ARHGEF11: variants seen among roughly 807,000 people sequenced by gnomAD.
ARHGEF11 encodes the protein Rho guanine nucleotide exchange factor 11, also known as Rho guanine exchange factor (GEF) 11.
Under a neutral mutation model 193.7 loss-of-function variants are expected in ARHGEF11, and 55 were observed. That is an observed-to-expected ratio of 0.28 (90% CI 0.23 to 0.36). ARHGEF11 has a LOEUF of 0.36. Ranked by LOEUF, ARHGEF11 falls within the 10% of genes least tolerant of loss-of-function variation. The pLI is 1.00. For missense variants in ARHGEF11, 1,723 were observed against 2,005.6 expected (o/e 0.86, Z 2.69); for synonymous variants, 693 against 768.0 (o/e 0.90, Z 1.62).
Position 156,991,698 on chromosome 1 carries a change from T to C in ARHGEF11, c.33-5525A>G, listed in dbSNP as rs532265827. On this transcript the variant is annotated intron_variant, in intron 1 of 40. Coordinates refer to ENST00000368194, the MANE Select transcript of ARHGEF11 (RefSeq NM_198236.3). The stretch of plus-strand genomic sequence containing the variant: ...TTGTACTGAATTTTAGGGTTTTCTT[T>C]TTTTCAAGCTTATTTTTTTTTTTTT... Among the ~76,000 whole-genome samples the C allele has an allele frequency of 5.3e-5, 8 of 150,194 alleles. No individual in the cohort carries two copies. The South Asian group carries it at 1.7e-3, about 32-fold the overall frequency.
intron 1 of ARHGEF11, among the ~76,000 whole-genome samples, chr1:157,026,809 T>C (rs1451019312): frequency 6.6e-6 from 1 of 152,206 alleles, no homozygotes; most frequent in African/African-American, 2.4e-5. Flanking sequence ...AAATGCTAAC[T>C]GTTATTATGG....
chr1:156,980,614 T>G, intron 3 of ARHGEF11, 128 bp from the exon 4 acceptor site: 3 of 1,039,426 alleles, frequency 2.9e-6, no homozygotes, highest in Non-Finnish European at 2.9e-6. Context: ...TCTCAAATTC[T>G]GGGTGTACTT....
chr1:157,031,588 A>T (rs182709748), intron 1 of ARHGEF11, among the ~76,000 whole-genome samples: 90 of 152,306 alleles, frequency 5.9e-4, no homozygotes, highest in African/African-American at 2.0e-3. Flanking sequence ...GGAGATGATG[A>T]GAAACGGCCC....
chr1:156,968,066 G>T lies in ARHGEF11; in HGVS notation c.884C>A (p.Ser295Tyr). The change falls in exon 11 of 41, where the codon TCC becomes TAC. Residue 295 changes from serine (S) to tyrosine (Y), a missense_variant. Ser to Tyr is a moderately radical substitution (Grantham distance 144). Transcript: ENST00000368194. ...SDPGLDSPRT[S>Y]PVIMARVAQH... ...GGCCACCCTGGCCATGATCACAGGG[G>T]AGGTTCGAGGACTGTCTAGCCCAGG... The T allele has an allele frequency of 6.2e-7, 1 of 1,614,234 alleles. No individual in the cohort carries two copies. The highest frequency in any genetic ancestry group is 8.5e-7 in the Non-Finnish European group (1 of 1,180,026).
chr1:156,983,831 C>A (rs1358202317), intron 3 of ARHGEF11, among the ~76,000 whole-genome samples: 1 of 152,234 alleles, frequency 6.6e-6, no homozygotes, highest in Non-Finnish European at 1.5e-5. Flanking sequence ...AACACCATTT[C>A]CCCTGACATC....
intron 1 of ARHGEF11, among the ~76,000 whole-genome samples, chr1:157,000,589 A>G (rs1667093082): frequency 6.6e-6 from 1 of 152,232 alleles, no homozygotes; most frequent in Non-Finnish European, 1.5e-5. Flanking sequence ...TGGATTTTAA[A>G]TTAGCTCCCT....
At chr1:156,986,871 T>C (rs1199343787) in intron 1 of ARHGEF11, among the ~76,000 whole-genome samples, 3 of 152,248 alleles carry the variant, frequency 2.0e-5, no homozygotes, top group African/African-American at 7.2e-5. Flanking sequence ...GAAAATTCCA[T>C]TTATCCTTTG....
intron 10 of ARHGEF11, 34 bp downstream of exon 10, chr1:156,969,248 C>T (rs759238865): frequency 2.1e-5 from 32 of 1,557,228 alleles, no homozygotes; most frequent in Middle Eastern, 2.2e-4. Context: ...CCCGAATGCA[C>T]GTTCTGAATG....
At chr1:157,040,996 A>G (rs1417766643) in intron 1 of ARHGEF11, among the ~76,000 whole-genome samples, 2 of 152,210 alleles carry the variant, frequency 1.3e-5, no homozygotes, top group African/African-American at 2.4e-5. Context: ...GACTTCCCCA[A>G]GGTCACATAG....
At chr1:156,954,391 A>C (rs112762785) in intron 21 of ARHGEF11, among the ~76,000 whole-genome samples, 2 of 41,082 alleles carry the variant, frequency 4.9e-5, no homozygotes, top group Non-Finnish European at 8.3e-5. Context: ...AAAAAAAAAA[A>C]AAAAAAAAAA....
chr1:157,046,739 G>A (rs149347138), upstream of ARHGEF11, among the ~76,000 whole-genome samples: 371 of 152,238 alleles, frequency 2.4e-3, 6 homozygotes, highest in East Asian at 8.3e-3. Context: ...CGTGACATTT[G>A]TCAGAAGGTG....
intron 10 of ARHGEF11, among the ~76,000 whole-genome samples, chr1:156,968,655 C>T (rs1182057147): frequency 6.6e-6 from 1 of 152,216 alleles, no homozygotes; most frequent in Non-Finnish European, 1.5e-5. Flanking sequence ...TTTTCAACCA[C>T]ATATTCACAT....
At chr1:156,987,385 T>C (rs1665082394) in intron 1 of ARHGEF11, among the ~76,000 whole-genome samples, 1 of 152,210 alleles carries the variant, frequency 6.6e-6, no homozygotes, top group Non-Finnish European at 1.5e-5. Flanking sequence ...GATATGTTAC[T>C]GAGTGAAATA....
chr1:156,937,559 T>C (rs1048918911), intron 38 of ARHGEF11, 63 bp from the exon 39 acceptor site: 18 of 1,481,690 alleles, frequency 1.2e-5, no homozygotes, highest in Non-Finnish European at 1.6e-5. Flanking sequence ...TATCCTCCCG[T>C]TCCTGTGGGA....
At chr1:156,997,141 T>C (rs866367471) in intron 1 of ARHGEF11, among the ~76,000 whole-genome samples, 2 of 151,978 alleles carry the variant, frequency 1.3e-5, no homozygotes, top group Non-Finnish European at 2.9e-5. Flanking sequence ...AGTGCTGGGA[T>C]TACAAGTGTG....
rs570921103 is a variant in ARHGEF11 at position 156,956,551 on chromosome 1, A to G, written c.1540T>C (p.Phe514Leu). The G allele has an allele frequency of 1.2e-6, 2 of 1,614,086 alleles. No homozygotes were observed. Among genetic ancestry groups the G allele is most frequent in the African/African-American group, 2.7e-5 (2 of 74,930 alleles). Residue 514 changes from phenylalanine (F) to leucine (L), a missense_variant, in exon 19 of 41, where the codon TTC becomes CTC. Coordinates refer to ENST00000368194, the MANE Select transcript of ARHGEF11 (RefSeq NM_198236.3). ...YEEDRSAPMD[F>L]ALNTYMSHAG... ...TGGCTCATGTAGGTATTGAGGGCGAAGTCCATGGGGGCGCTGTAAAAGAGG... is the reference window on the plus strand; with the variant it reads ...TGGCTCATGTAGGTATTGAGGGCGAGGTCCATGGGGGCGCTGTAAAAGAGG...
chr1:156,935,259 AG>A lies in ARHGEF11; in HGVS notation c.*740del, dbSNP rs1654853502. Reference sequence around the variant, plus strand: ...TCTTGTGAAGATGAGAAGTCCAGGGAGGGAGGGAGTAGCTTGGCAGCAAGCT... The same window carrying A: ...TCTTGTGAAGATGAGAAGTCCAGGGAGGAGGGAGTAGCTTGGCAGCAAGCT... On this transcript the variant is annotated 3_prime_UTR_variant, in exon 41 of 41. Coordinates refer to ENST00000368194, the MANE Select transcript of ARHGEF11 (RefSeq NM_198236.3). The A allele has an allele frequency of 7.9e-5, 12 of 152,174 alleles. No homozygotes were observed. Among genetic ancestry groups the A allele is most frequent in the Admixed American group, 7.9e-4 (12 of 15,258 alleles). 9.4% of individuals were successfully genotyped at this position (152,174 alleles called of 1,614,324 possible).
At chr1:156,962,748 G>A (rs905226368) in intron 13 of ARHGEF11, among the ~76,000 whole-genome samples, 4 of 151,764 alleles carry the variant, frequency 2.6e-5, no homozygotes, top group Non-Finnish European at 5.9e-5. Context: ...GCATGGTGAC[G>A]GGCGCCTGTA....
At chr1:156,969,237 C>A (rs1417906540) in intron 10 of ARHGEF11, 45 bp downstream of exon 10, 45 of 1,525,272 alleles carry the variant, frequency 3.0e-5, no homozygotes, top group Non-Finnish European at 4.0e-5. Context: ...AGGGAAGGGA[C>A]CCCGAATGCA....
Sources: allele counts gnomAD v4.1 joint callset (sites outside exome capture counted in the v4.1 genomes callset), GRCh38; gene constraint gnomAD v4.1.1; transcripts MANE v1.5; gene names NCBI Gene and HGNC (gene_info 2026-07-23, HGNC 2026-07-21).